CFAP299: variants seen among roughly 807,000 people sequenced by gnomAD.
CFAP299 encodes cilia and flagella associated protein 299.
A neutral mutation model predicts 27.0 loss-of-function variants in CFAP299; 21 were observed. The observed-to-expected ratio is 0.78, with a 90% CI of 0.55 to 1.12. CFAP299 has a LOEUF of 1.12. CFAP299 is among the 50% of genes most tolerant of loss of function. The pLI, the probability that CFAP299 is intolerant of heterozygous loss-of-function variation, is 0.00. For missense variants in CFAP299, 310 were observed against 276.6 expected, an observed-to-expected ratio of 1.12 and a Z score of -0.86; for synonymous variants, 104 against 98.1, an observed-to-expected ratio of 1.06 and a Z score of -0.36.
At position 80,420,127 on chromosome 4, in the gene CFAP299, A is replaced by C. The variant is rs145961143; in HGVS notation, c.242+57243A>C. The C allele has an allele frequency of 2.4e-3, 1,085 of 451,456 alleles. 4 individuals are homozygous for C. The highest frequency in any genetic ancestry group is 4.2e-3 in the Non-Finnish European group (940 of 224,526). The allele number at this position is 451,456 out of a possible 1,614,324, so 28.0% of individuals were successfully genotyped here. A position where few individuals can be genotyped will look rare whatever the true frequency, so the allele number is the denominator to read the frequency against. The stretch of plus-strand genomic sequence containing the variant: ...GGGAGAAGAGCAGGCCTGTGTAGCA[A>C]ATGTGGTCTTGTGATGTAAATGAAA... On this transcript the variant is annotated intron_variant, in intron 2 of 5. Transcript: ENST00000358105.
intron 2 of CFAP299, among the ~76,000 whole-genome samples, chr4:80,421,595 A>G (rs940344170): frequency 1.3e-5 from 2 of 152,020 alleles, no homozygotes; most frequent in Non-Finnish European, 2.9e-5. Context: ...AAGAAGGAGG[A>G]GGAGCAAAAA....
rs1010864466 is a variant in CFAP299 at position 80,882,597 on chromosome 4, C to G, written c.476+12462C>G. On this transcript the variant is annotated intron_variant, in intron 4 of 5. Transcript: ENST00000358105. ...AGCTTGCAGTAAGCCGAGATAGCGC[C>G]GCTGCACTCAGGCTTGGGCAAAAGA... 2.0e-5 allele frequency among the ~76,000 whole-genome samples: 3 copies of G among 150,996 alleles called. No individual in the cohort carries two copies. In the South Asian group the frequency reaches 6.3e-4, roughly 32 times the overall value.
chr4:80,646,761 T>A (rs1305362165), intron 3 of CFAP299, among the ~76,000 whole-genome samples: 1 of 152,164 alleles, frequency 6.6e-6, no homozygotes, highest in East Asian at 1.9e-4. Context: ...CCTTCTCCTG[T>A]TGCTTCTCTT....
At chr4:80,447,166 CG>C (rs1728674160) in intron 2 of CFAP299, among the ~76,000 whole-genome samples, 1 of 110,742 alleles carries the variant, frequency 9.0e-6, no homozygotes, top group African/African-American at 3.8e-5. Context: ...GACGGAGTCT[CG>C]CTCTGTCACC....
At chr4:80,636,624 A>C (rs1739475269) in intron 3 of CFAP299, among the ~76,000 whole-genome samples, 4 of 152,306 alleles carry the variant, frequency 2.6e-5, no homozygotes, top group African/African-American at 9.6e-5. Context: ...GTTCTAAATC[A>C]ACATATCTTG....
intron 4 of CFAP299, among the ~76,000 whole-genome samples, chr4:80,909,190 A>G (rs1331452689): frequency 5.3e-5 from 8 of 151,024 alleles, no homozygotes; most frequent in African/African-American, 1.5e-4. Context: ...TTTTTTTTCT[A>G]CTACTTAACT....
intron 3 of CFAP299, among the ~76,000 whole-genome samples, chr4:80,601,472 T>G (rs964530663): frequency 4.6e-5 from 7 of 152,138 alleles, no homozygotes; most frequent in Non-Finnish European, 7.4e-5. Flanking sequence ...CACCTACCTT[T>G]GCAATTAGTT....
chr4:80,946,386 C>T (rs1737478431), intron 5 of CFAP299, among the ~76,000 whole-genome samples: 1 of 152,052 alleles, frequency 6.6e-6, no homozygotes, highest in Non-Finnish European at 1.5e-5. Context: ...AACATAATGC[C>T]TGGATGGGGT....
chr4:80,414,404 C>T lies in CFAP299; in HGVS notation c.242+51520C>T, dbSNP rs140427159. Among the ~76,000 whole-genome samples the T allele has an allele frequency of 4.7e-4, 71 of 152,088 alleles. No homozygotes were observed. The East Asian group carries it at 8.5e-3, about 18-fold the overall frequency. ...AATGTAGTGAGACGTGTCTGGAAAA[C>T]GCAGCTAGAGAAGAGTATCATTCCC... On this transcript the variant is annotated intron_variant, in intron 2 of 5. Transcript: ENST00000358105.
chr4:80,754,815 G>A (rs1357898583), intron 3 of CFAP299, among the ~76,000 whole-genome samples: 2 of 152,026 alleles, frequency 1.3e-5, no homozygotes, highest in Non-Finnish European at 2.9e-5. Context: ...CTTGCACTCT[G>A]TCTTTAGAGA....
chr4:80,690,623 A>T (rs1319646673), intron 3 of CFAP299, among the ~76,000 whole-genome samples: 1 of 152,212 alleles, frequency 6.6e-6, no homozygotes, highest in Non-Finnish European at 1.5e-5. Flanking sequence ...CTAACATCAC[A>T]ATTAAAAGAA....
Position 80,562,167 on chromosome 4 carries a change from G to A in CFAP299, c.243-20926G>A, listed in dbSNP as rs1167207414. On this transcript the variant is annotated intron_variant, in intron 2 of 5. Transcript: ENST00000358105. ...ACAGATACACAGAACTAAAAAGCAA[G>A]AAATTAAATCATACCACCAGAGAAA... Among the ~76,000 whole-genome samples, 7 of 151,954 alleles carry A rather than the reference G, an allele frequency of 4.6e-5. No homozygotes were observed. In the East Asian group the frequency reaches 1.2e-3, roughly 25 times the overall value.
At chr4:80,903,826 G>C (rs1029320152) in intron 4 of CFAP299, among the ~76,000 whole-genome samples, 4 of 152,014 alleles carry the variant, frequency 2.6e-5, no homozygotes, top group African/African-American at 9.7e-5. Flanking sequence ...GTAACACATA[G>C]TCTCTCAAGA....
At chr4:80,951,109 T>C (rs954770565) in intron 5 of CFAP299, among the ~76,000 whole-genome samples, 1 of 152,182 alleles carries the variant, frequency 6.6e-6, no homozygotes, top group African/African-American at 2.4e-5. Context: ...ATTAAAAATA[T>C]GAAAATTTAT....
chr4:80,515,943 T>C (rs1267091266), intron 2 of CFAP299, among the ~76,000 whole-genome samples: 3 of 151,948 alleles, frequency 2.0e-5, no homozygotes, highest in African/African-American at 7.2e-5. Flanking sequence ...AGATAGAAAG[T>C]ACATTGCATA....
chr4:80,889,554 A>T (rs1031379547), intron 4 of CFAP299, among the ~76,000 whole-genome samples: 2 of 152,034 alleles, frequency 1.3e-5, no homozygotes, highest in African/African-American at 4.8e-5. Flanking sequence ...TTTAATAGAG[A>T]ACTACTACCA....
At chr4:80,739,369 A>T (rs1297090872) in intron 3 of CFAP299, among the ~76,000 whole-genome samples, 1 of 152,022 alleles carries the variant, frequency 6.6e-6, no homozygotes, top group African/African-American at 2.4e-5. Context: ...GAAATCCCTC[A>T]GCTGTTGTTT....
chr4:80,845,899 C>G (rs1228974880), intron 3 of CFAP299, among the ~76,000 whole-genome samples: 1 of 151,878 alleles, frequency 6.6e-6, no homozygotes, highest in East Asian at 1.9e-4. Flanking sequence ...ATTATTTTTT[C>G]TTTCTATCAA....
intron 2 of CFAP299, among the ~76,000 whole-genome samples, chr4:80,456,372 T>A (rs1471505519): frequency 2.0e-5 from 3 of 152,022 alleles, no homozygotes; most frequent in Non-Finnish European, 4.4e-5. Flanking sequence ...TAGTTTGTAG[T>A]GAGAACAAGA....
Sources: gnomAD v4.1 joint callset for allele counts (sites outside exome capture counted in the v4.1 genomes callset) on GRCh38, gnomAD v4.1.1 for gene constraint, MANE v1.5 for transcripts, NCBI Gene and HGNC (gene_info 2026-07-23, HGNC 2026-07-21) for gene names.